The following TRMT10A variants were observed in gnomAD, a reference collection of about 807,000 sequenced individuals.
TRMT10A encodes the protein tRNA methyltransferase 10A, also known as tRNA methyltransferase 10 homolog A.
A neutral mutation model predicts 40.4 loss-of-function variants in TRMT10A; 37 were observed. That is an observed-to-expected ratio of 0.92 (90% CI 0.71 to 1.21). The LOEUF is 1.21. Among genes scored for constraint, TRMT10A ranks in the 50% most tolerant of loss-of-function variants. TRMT10A has a pLI of 0.00. For missense variants in TRMT10A, 388 were observed against 404.3 expected (o/e 0.96, Z 0.35); for synonymous variants, 103 against 134.1 (o/e 0.77, Z 1.60).
At position 99,550,983 on chromosome 4, in the gene TRMT10A, G is replaced by A; in HGVS notation, c.653C>T (p.Thr218Ile). Reference sequence around the variant, plus strand: ...TCCATAATCTGACGCTTGTTTATATGTGAGTCCCTAAAACAAAGACACTAT... The same window carrying A: ...TCCATAATCTGACGCTTGTTTATATATGAGTCCCTAAAACAAAGACACTAT... ...LVDHNHHKGL[T>I]YKQASDYGIN... Residue 218 changes from threonine to isoleucine, a missense_variant, in exon 7 of 8, where the codon ACA (threonine) becomes ATA (isoleucine). Transcript: ENST00000394876. 6.2e-7 allele frequency: 1 copy of A among 1,609,532 alleles called. No individual in the cohort carries two copies. Among genetic ancestry groups the A allele is most frequent in the Non-Finnish European group, 8.5e-7 (1 of 1,177,790 alleles).
At chr4:99,553,673 T>C (rs770136768) in intron 6 of TRMT10A, 112 bp downstream of exon 6, 41 of 1,053,934 alleles carry the variant, frequency 3.9e-5, no homozygotes, top group Non-Finnish European at 5.3e-5. Context: ...GACTGACATA[T>C]AGTAGGCACT....
Position 99,563,916 on chromosome 4 carries a change from G to A in TRMT10A, c.-27C>T. The A allele has an allele frequency of 1.3e-6, 1 of 774,702 alleles. No individual in the cohort carries two copies. The highest frequency in any genetic ancestry group is 2.2e-6 in the Non-Finnish European group (1 of 452,778). 48.0% of individuals were successfully genotyped at this position (774,702 alleles called of 1,614,324 possible). A position where few individuals can be genotyped will look rare whatever the true frequency, so the allele number is the denominator to read the frequency against. On this transcript the variant is annotated 5_prime_UTR_variant, in exon 1 of 8. Transcript: ENST00000394876. ...CAACCAGTGCCAGGACACTTACCGA[G>A]CTGAAGAGTTGACAGGGAAGTGAAA...
chr4:99,557,305 A>T lies in TRMT10A; in HGVS notation c.420+40T>A, dbSNP rs114315997. ...CTATGTCTTTTGCCACAAAAGACAT[A>T]AAAGAAAACTAGAGTCTGCTTTAAA... On this transcript the variant is annotated intron_variant, in intron 4 of 7. Transcript: ENST00000394876. 296 of 1,572,808 alleles carry T rather than the reference A, an allele frequency of 1.9e-4. No homozygotes were observed. In the African/African-American group the frequency reaches 3.7e-3, roughly 20 times the overall value.
At position 99,561,669 on chromosome 4, in the gene TRMT10A, C is replaced by T. The variant is rs116360658; in HGVS notation, c.-24+2244G>A. 9.5e-3 allele frequency among the ~76,000 whole-genome samples: 1,442 copies of T among 152,260 alleles called. 29 individuals are homozygous for T. The highest frequency in any genetic ancestry group is 0.033 in the African/African-American group (1,372 of 41,534). ...ATAAGTATAATGTATATCTACACTGCACTATGTACTAGCGTGTTCAGATTA... is the reference window on the plus strand; with the variant it reads ...ATAAGTATAATGTATATCTACACTGTACTATGTACTAGCGTGTTCAGATTA... On this transcript the variant is annotated intron_variant, in intron 1 of 7. Transcript: ENST00000394876.
intron 6 of TRMT10A, among the ~76,000 whole-genome samples, chr4:99,551,779 C>T (rs1221870628): frequency 1.3e-5 from 2 of 151,806 alleles, no homozygotes; most frequent in Non-Finnish European, 2.9e-5. Context: ...ATGTCATTAC[C>T]CCTAAAGACC....
chr4:99,552,743 A>G (rs573400463), intron 6 of TRMT10A, among the ~76,000 whole-genome samples: 3 of 152,306 alleles, frequency 2.0e-5, no homozygotes, highest in South Asian at 2.1e-4. Context: ...TTCCCTGTCA[A>G]TTAAAAAAAT....
At position 99,549,001 on chromosome 4, in the gene TRMT10A, A is replaced by C. The variant is rs971400208; in HGVS notation, c.*87T>G. ...AAAAATCACAACAGAAATAAGAGAA[A>C]ATAAAATGTTCTTCCAATTTCAATA... On this transcript the variant is annotated 3_prime_UTR_variant, in exon 8 of 8. Coordinates refer to ENST00000394876, the MANE Select transcript of TRMT10A (RefSeq NM_001134665.3). 44 of 1,354,368 alleles carry C rather than the reference A, an allele frequency of 3.2e-5. No individual in the cohort carries two copies. The highest frequency in any genetic ancestry group is 2.1e-4 in the Middle Eastern group (1 of 4,834). 83.9% of individuals were successfully genotyped at this position (1,354,368 alleles called of 1,614,324 possible).
intron 1 of TRMT10A, 59 bp downstream of exon 1, chr4:99,563,854 C>T: frequency 1.5e-6 from 1 of 680,326 alleles, no homozygotes; most frequent in Non-Finnish European, 2.7e-6. Flanking sequence ...GCACGCGCCC[C>T]TTTGCGTCCA....
chr4:99,548,895 A>T lies in TRMT10A; in HGVS notation c.*193T>A. 1 of 525,878 alleles carries T rather than the reference A, an allele frequency of 1.9e-6. No homozygotes were observed. Among genetic ancestry groups the T allele is most frequent in the Non-Finnish European group, 3.1e-6 (1 of 322,020 alleles). 32.6% of individuals were successfully genotyped at this position (525,878 alleles called of 1,614,324 possible). A position where few individuals can be genotyped will look rare whatever the true frequency, so the allele number is the denominator to read the frequency against. ...ATCACATACACATTTAAATCTTCTT[A>T]CGCAAAATCAAAAAATATTTCCTTA... is the stretch of plus-strand genomic sequence containing the variant. On this transcript the variant is annotated 3_prime_UTR_variant, in exon 8 of 8. Coordinates refer to ENST00000394876, the MANE Select transcript of TRMT10A (RefSeq NM_001134665.3).
intron 6 of TRMT10A, 66 bp downstream of exon 6, chr4:99,553,719 T>A (rs763457575): frequency 2.0e-6 from 3 of 1,477,854 alleles, no homozygotes; most frequent in Non-Finnish European, 2.7e-6. Flanking sequence ...TTATTGTTAC[T>A]TTCAGGAAAT....
rs764127122 is a variant in TRMT10A at position 99,553,883 on chromosome 4, G to A, written c.547C>T (p.Leu183=). 2.5e-6 allele frequency: 4 copies of A among 1,613,282 alleles called. No homozygotes were observed. Among genetic ancestry groups the A allele is most frequent in the Admixed American group, 1.7e-5 (1 of 59,972 alleles). Residue 183 remains leucine, a synonymous_variant, in exon 6 of 8, where the codon CTG becomes TTG. Transcript: ENST00000394876. ...GGTGAATCTGACGTAAGGTAAATCA[G>A]GTCTTCTTTCTTTATGAGTTCACTA... ...HYSELIKKED[L]IYLTSDSPNI...
At position 99,557,421 on chromosome 4, in the gene TRMT10A, C is replaced by T. The variant is rs746983102; in HGVS notation, c.349-5G>A. The T allele has an allele frequency of 1.2e-5, 19 of 1,611,348 alleles. No homozygotes were observed. The highest frequency in any genetic ancestry group is 2.2e-5 in the East Asian group (1 of 44,768). ...CTTATGAAGTTTCTTAATGTCCTAT[C>T]ACAGAGTTCAATTTTTAAAGCAAAG... is the stretch of plus-strand genomic sequence containing the variant. On this transcript the variant is annotated splice_polypyrimidine_tract_variant and splice_region_variant and intron_variant, in intron 3 of 7. Transcript: ENST00000394876.
chr4:99,558,222 T>C lies in TRMT10A; in HGVS notation c.186-11A>G. On this transcript the variant is annotated splice_polypyrimidine_tract_variant and intron_variant, in intron 2 of 7. Coordinates refer to ENST00000394876, the MANE Select transcript of TRMT10A (RefSeq NM_001134665.3). ...TCTTTTCGCTTTTGTCTAAAATTAG[T>C]AATTGAAATAACATTTTGTTATTGT... 2 of 1,580,212 alleles carry C rather than the reference T, an allele frequency of 1.3e-6. No homozygotes were observed. Among genetic ancestry groups the C allele is most frequent in the Non-Finnish European group, 1.7e-6 (2 of 1,165,990 alleles).
intron 7 of TRMT10A, among the ~76,000 whole-genome samples, chr4:99,550,071 G>A (rs1723901809): frequency 6.6e-6 from 1 of 150,772 alleles, no homozygotes; most frequent in Non-Finnish European, 1.5e-5. Context: ...CCGGTACAAG[G>A]ATGTCTATTT....
intron 1 of TRMT10A, among the ~76,000 whole-genome samples, chr4:99,562,977 A>G (rs1270870650): frequency 6.6e-6 from 1 of 151,120 alleles, no homozygotes; most frequent in Non-Finnish European, 1.5e-5. Flanking sequence ...ATGCGCCACC[A>G]CGCCCGGCTA....
Position 99,549,913 on chromosome 4 carries a change from C to A in TRMT10A, c.752-557G>T, listed in dbSNP as rs548454953. The stretch of plus-strand genomic sequence containing the variant: ...TACTATATATCAAAGGTTTTAGAGG[C>A]AATTCATTTGTTGAATCGATAATTT... On this transcript the variant is annotated intron_variant, in intron 7 of 7. Coordinates refer to ENST00000394876, the MANE Select transcript of TRMT10A (RefSeq NM_001134665.3). 5.8e-4 allele frequency among the ~76,000 whole-genome samples: 89 copies of A among 152,250 alleles called. 1 individual carries two copies. The highest frequency in any genetic ancestry group is 1.5e-3 in the African/African-American group (63 of 41,544).
intron 4 of TRMT10A, 63 bp downstream of exon 4, chr4:99,557,280 CTA>C: frequency 6.8e-7 from 1 of 1,469,640 alleles, no homozygotes; most frequent in South Asian, 1.2e-5. Context: ...TAGGAATTAT[CTA>C]TGTCTTTTGC....
At chr4:99,560,608 G>C (rs1724349801) in intron 1 of TRMT10A, among the ~76,000 whole-genome samples, 1 of 151,948 alleles carries the variant, frequency 6.6e-6, no homozygotes, top group Non-Finnish European at 1.5e-5. Flanking sequence ...AGAAAGTAAG[G>C]TAAGCATTCA....
chr4:99,558,457 T>C (rs1724255773), intron 2 of TRMT10A, among the ~76,000 whole-genome samples: 1 of 152,106 alleles, frequency 6.6e-6, no homozygotes, highest in Non-Finnish European at 1.5e-5. Context: ...CTATACTATC[T>C]GAATAGTTTC....
Sources: gnomAD v4.1 joint callset for allele counts (sites outside exome capture counted in the v4.1 genomes callset) on GRCh38, gnomAD v4.1.1 for gene constraint, MANE v1.5 for transcripts, NCBI Gene and HGNC (gene_info 2026-07-23, HGNC 2026-07-21) for gene names.